Variants in ASXL2 observed in about 807,000 individuals in gnomAD.
The protein encoded by ASXL2 is putative Polycomb group protein ASXL2.
In ASXL2, 23 loss-of-function variants were observed where a neutral mutation model predicts 122.0. The observed-to-expected ratio is 0.19, with a 90% CI of 0.14 to 0.27. The LOEUF is 0.27. Ranked by LOEUF, ASXL2 falls within the 10% of genes least tolerant of loss-of-function variation. The pLI, the probability that ASXL2 is intolerant of heterozygous loss-of-function variation, is 1.00. For missense variants in ASXL2, 1,518 were observed against 1,713.8 expected (o/e 0.89, Z 2.02); for synonymous variants, 650 against 637.0 (o/e 1.02, Z -0.31).
At chr2:25,873,642 T>TAA (rs576732888) in intron 1 of ASXL2, among the ~76,000 whole-genome samples, 9 of 143,234 alleles carry the variant, frequency 6.3e-5, no homozygotes, top group East Asian at 2.0e-4. Flanking sequence ...GTCTATATAT[T>TAA]AAAAAAAAAA....
At chr2:25,840,435 C>T (rs1237885768) in intron 2 of ASXL2, among the ~76,000 whole-genome samples, 1 of 152,218 alleles carries the variant, frequency 6.6e-6, no homozygotes, top group Non-Finnish European at 1.5e-5. Context: ...TAAGTACATT[C>T]ACAATGCTGT....
chr2:25,785,221 A>G (rs1559510689), intron 5 of ASXL2, among the ~76,000 whole-genome samples: 3 of 152,016 alleles, frequency 2.0e-5, no homozygotes, highest in African/African-American at 7.2e-5. Flanking sequence ...TTATTTATTT[A>G]TTTGTTTGTT....
rs530116847 is a variant in ASXL2 at position 25,854,688 on chromosome 2, G to C, written c.58-9125C>G. Reference sequence around the variant, plus strand: ...GCATGATATGGAAAAGAGAAATAGGGGCTTAGACTCCTCAGGAATGATGGC... The same window carrying C: ...GCATGATATGGAAAAGAGAAATAGGCGCTTAGACTCCTCAGGAATGATGGC... On this transcript the variant is annotated intron_variant, in intron 1 of 12. Coordinates refer to ENST00000435504, the MANE Select transcript of ASXL2 (RefSeq NM_018263.6). Among the ~76,000 whole-genome samples, 3 of 152,308 alleles carry C rather than the reference G, an allele frequency of 2.0e-5. No individual in the cohort carries two copies. In the South Asian group the frequency reaches 6.2e-4, roughly 32 times the overall value.
At chr2:25,745,021 C>A (rs144172513) in intron 12 of ASXL2, among the ~76,000 whole-genome samples, 1,793 of 151,480 alleles carry the variant, frequency 0.012, 16 homozygotes, top group Non-Finnish European at 0.019. Flanking sequence ...TTCTAGACAG[C>A]ACTGGAAGGA....
intron 9 of ASXL2, among the ~76,000 whole-genome samples, chr2:25,756,453 C>CAAAAAAAAAAAAA (rs554502367): frequency 1.3e-4 from 3 of 23,306 alleles, no homozygotes; most frequent in Non-Finnish European, 1.9e-4. Context: ...CAGATAATGA[C>CAAAAAAAAAAAAA]AAAAAAAAAA....
chr2:25,793,305 A>G (rs541138453), intron 5 of ASXL2, among the ~76,000 whole-genome samples: 8 of 152,216 alleles, frequency 5.3e-5, no homozygotes, highest in Non-Finnish European at 1.2e-4. Flanking sequence ...TACATAGTTC[A>G]CTGCAGTAGC....
intron 5 of ASXL2, among the ~76,000 whole-genome samples, chr2:25,798,883 G>A (rs535356000): frequency 5.9e-5 from 9 of 152,280 alleles, no homozygotes; most frequent in African/African-American, 1.2e-4. Context: ...AATACACATC[G>A]TTATACATTT....
At chr2:25,752,590 G>A (rs191344107) in intron 11 of ASXL2, among the ~76,000 whole-genome samples, 1 of 152,260 alleles carries the variant, frequency 6.6e-6, no homozygotes, top group African/African-American at 2.4e-5. Flanking sequence ...GCTCATACCT[G>A]TAATCCCAGC....
At chr2:25,760,313 G>A (rs1040478178) in intron 8 of ASXL2, among the ~76,000 whole-genome samples, 1 of 151,594 alleles carries the variant, frequency 6.6e-6, no homozygotes, top group Non-Finnish European at 1.5e-5. Context: ...ATACCACCAA[G>A]AGAAAAATGA....
intron 2 of ASXL2, among the ~76,000 whole-genome samples, chr2:25,839,002 T>C (rs559890636): frequency 5.3e-5 from 8 of 152,310 alleles, no homozygotes; most frequent in South Asian, 2.1e-4. Context: ...ATAATGAGAA[T>C]AGGGGTTCCT....
At chr2:25,860,798 G>GTT (rs2089836375) in intron 1 of ASXL2, among the ~76,000 whole-genome samples, 2 of 151,222 alleles carry the variant, frequency 1.3e-5, no homozygotes, top group Non-Finnish European at 1.5e-5. Flanking sequence ...GATCACTTGA[G>GTT]CTCAGGAGTT....
At chr2:25,777,795 G>A (rs2088573217) in intron 5 of ASXL2, among the ~76,000 whole-genome samples, 1 of 151,810 alleles carries the variant, frequency 6.6e-6, no homozygotes, top group Non-Finnish European at 1.5e-5. Context: ...TCTCTCTTAG[G>A]GTAGTTTTCT....
chr2:25,843,814 TA>T (rs541446675), intron 2 of ASXL2, among the ~76,000 whole-genome samples: 3,488 of 86,458 alleles, frequency 0.04, 141 homozygotes, highest in African/African-American at 0.13. Context: ...CTCCATCTCT[TA>T]AAAAAAAAAA....
At chr2:25,763,232 T>A (rs1402355838) in intron 8 of ASXL2, among the ~76,000 whole-genome samples, 1 of 151,634 alleles carries the variant, frequency 6.6e-6, no homozygotes, top group East Asian at 1.9e-4. Context: ...ATGCCTGTAA[T>A]CCCAGCTCAG....
At chr2:25,792,663 C>T (rs750176977) in intron 5 of ASXL2, among the ~76,000 whole-genome samples, 2 of 151,630 alleles carry the variant, frequency 1.3e-5, no homozygotes, top group Non-Finnish European at 2.9e-5. Flanking sequence ...AGTGGAGTGG[C>T]GTGATCTTGG....
chr2:25,854,920 A>G (rs1574449850), intron 1 of ASXL2, among the ~76,000 whole-genome samples: 1 of 152,262 alleles, frequency 6.6e-6, no homozygotes, highest in East Asian at 1.9e-4. Context: ...GATGTCAAGA[A>G]CAGGCTTACT....
intron 12 of ASXL2, among the ~76,000 whole-genome samples, chr2:25,746,961 G>A (rs1233367858): frequency 2.6e-5 from 4 of 152,140 alleles, no homozygotes; most frequent in Non-Finnish European, 5.9e-5. Context: ...ATCAAAATCT[G>A]AGGATGCTCA....
intron 4 of ASXL2, among the ~76,000 whole-genome samples, chr2:25,802,371 G>T (rs919137971): frequency 6.6e-6 from 1 of 152,172 alleles, no homozygotes; most frequent in Non-Finnish European, 1.5e-5. Flanking sequence ...CAGCACAGAG[G>T]TAATATTGTG....
Position 25,743,686 on chromosome 2 carries a change from G to C in ASXL2, c.2651C>G (p.Pro884Arg), listed in dbSNP as rs371519279. ...TDASVPVAVT[P>R]SPLTSLLTTA... ...GGTCAATAAAGATGTTAAAGGGGAG[G>C]GAGTTACAGCCACTGGCACACTAGC... Residue 884 changes from proline to arginine, a missense_variant, in exon 13 of 13, where the codon CCC becomes CGC. Physicochemically the swap from Pro to Arg is moderately radical, Grantham distance 103 (BLOSUM62 -2). This residue lies in a region of ASXL2 where 831 missense variants were observed against 833.1 expected (regional missense o/e 1.00). Transcript: ENST00000435504. 21 of 1,613,884 alleles carry C rather than the reference G, an allele frequency of 1.3e-5. No homozygotes were observed. The highest frequency in any genetic ancestry group is 1.6e-4 in the Middle Eastern group (1 of 6,084).
Sources: gnomAD v4.1 joint callset for allele counts (sites outside exome capture counted in the v4.1 genomes callset) on GRCh38, gnomAD v4.1.1 for gene constraint, gnomAD v4.1.1 regional missense constraint, MANE v1.5 for transcripts, NCBI Gene and HGNC (gene_info 2026-07-23, HGNC 2026-07-21) for gene names.